The following ATL3 variants were observed in gnomAD, a reference collection of about 807,000 sequenced individuals.
The protein encoded by ATL3 is atlastin-3.
In ATL3, 49 loss-of-function variants were observed where a neutral mutation model predicts 69.5. The ratio of observed to expected loss-of-function variants is 0.71; its 90% CI spans 0.56 to 0.89. ATL3 has a LOEUF of 0.89. ATL3 is among the 40% of genes least tolerant of loss of function. The pLI is 0.00. For missense variants in ATL3, 606 were observed against 645.7 expected (o/e 0.94, Z 0.67); for synonymous variants, 214 against 224.1 (o/e 0.95, Z 0.40).
chr11:63,635,487 C>T (rs1185570720), intron 10 of ATL3, 47 bp downstream of exon 10: 2 of 1,502,178 alleles, frequency 1.3e-6, no homozygotes, highest in East Asian at 2.3e-5. Context: ...TACAGGTCAA[C>T]TCAAGTAATT....
chr11:63,667,716 A>G (rs1047867504), intron 1 of ATL3, among the ~76,000 whole-genome samples: 2 of 150,406 alleles, frequency 1.3e-5, no homozygotes, highest in Admixed American at 1.3e-4. Context: ...GTGAGCTGAG[A>G]TCGCGCCATT....
intron 1 of ATL3, among the ~76,000 whole-genome samples, chr11:63,670,055 G>A (rs1274166715): frequency 2.0e-5 from 3 of 152,108 alleles, no homozygotes; most frequent in Non-Finnish European, 4.4e-5. Context: ...GCAATCAGCC[G>A]AGATCGCGCC....
intron 1 of ATL3, among the ~76,000 whole-genome samples, chr11:63,669,010 TG>T (rs950679290): frequency 2.0e-5 from 2 of 102,404 alleles, no homozygotes; most frequent in African/African-American, 7.2e-5. Context: ...AATTTTTTTT[TG>T]GGTGGGGGGG....
At chr11:63,630,753 G>A (rs1263573629) in intron 12 of ATL3, among the ~76,000 whole-genome samples, 1 of 144,488 alleles carries the variant, frequency 6.9e-6, no homozygotes, top group East Asian at 2.2e-4. Flanking sequence ...CCAAGATCAT[G>A]CCACTGGACT....
At chr11:63,657,227 A>AG (rs1422421196) in intron 3 of ATL3, among the ~76,000 whole-genome samples, 3 of 151,006 alleles carry the variant, frequency 2.0e-5, no homozygotes, top group African/African-American at 7.3e-5. Context: ...AAAAAAAAAA[A>AG]GGACAAACAG....
Position 63,634,471 on chromosome 11 carries a change from C to T in ATL3, c.1035+1063G>A, listed in dbSNP as rs1021510351. Among the ~76,000 whole-genome samples the T allele has an allele frequency of 9.2e-5, 14 of 151,950 alleles. No individual in the cohort carries two copies. In the East Asian group the frequency reaches 1.2e-3, roughly 13 times the overall value. ...GCAGTGAGCCGAGATTGTGCCACTG[C>T]ACTCCAGCCTGGGCAACAGAGCAAG... On this transcript the variant is annotated intron_variant, in intron 10 of 12. Transcript: ENST00000398868.
At chr11:63,639,950 C>A (rs546872463) in intron 8 of ATL3, among the ~76,000 whole-genome samples, 2 of 150,110 alleles carry the variant, frequency 1.3e-5, no homozygotes, top group Non-Finnish European at 3.0e-5. Flanking sequence ...TTTTTTGGGA[C>A]AGAGTTTCGC....
chr11:63,629,460 A>G (rs1939234196), intron 12 of ATL3, 55 bp from the exon 13 acceptor site: 2 of 1,479,896 alleles, frequency 1.4e-6, no homozygotes, highest in Non-Finnish European at 1.9e-6. Flanking sequence ...CACAGCAACA[A>G]GAAAGTAAGT....
In ATL3 at chr11:63,631,094, T is replaced by G; in HGVS notation, c.1485A>C (p.Gln495His). 6 of 1,614,126 alleles carry G rather than the reference T, an allele frequency of 3.7e-6. No individual in the cohort carries two copies. The highest frequency in any genetic ancestry group is 3.4e-6 in the Non-Finnish European group (4 of 1,180,034). ...LTWGYIRYSGQYRELGGAIDF... is the reference protein window; with the variant it reads ...LTWGYIRYSGHYRELGGAIDF... ...CAATAGCTCCGCCCAGCTCACGATA[T>G]TGACCAGAATACCTGATGTAGCCCC... Residue 495 changes from glutamine to histidine, a missense_variant, in exon 12 of 13, where the codon CAA becomes CAC. Gln to His is a conservative substitution (Grantham distance 24). Coordinates refer to ENST00000398868, the MANE Select transcript of ATL3 (RefSeq NM_015459.5).
intron 1 of ATL3, among the ~76,000 whole-genome samples, chr11:63,665,580 C>A (rs1940550560): frequency 6.6e-6 from 1 of 151,992 alleles, no homozygotes; most frequent in African/African-American, 2.4e-5. Flanking sequence ...ATTATCAACA[C>A]CCACCAGATT....
chr11:63,639,903 A>G (rs1012097808), intron 8 of ATL3, among the ~76,000 whole-genome samples: 16 of 152,314 alleles, frequency 1.1e-4, no homozygotes, highest in African/African-American at 3.4e-4. Flanking sequence ...CTTTCTGTAT[A>G]AAGACACACA....
intron 12 of ATL3, among the ~76,000 whole-genome samples, chr11:63,629,679 A>G (rs1268433283): frequency 6.6e-6 from 1 of 152,182 alleles, no homozygotes; most frequent in Non-Finnish European, 1.5e-5. Flanking sequence ...CAGAAAAACA[A>G]ATGTATCATC....
At position 63,631,379 on chromosome 11, in the gene ATL3, C is replaced by T. The variant is rs864622016; in HGVS notation, c.1200G>A (p.Lys400=). 1.9e-6 allele frequency: 3 copies of T among 1,614,198 alleles called. No homozygotes were observed. The highest frequency in any genetic ancestry group is 2.5e-6 in the Non-Finnish European group (3 of 1,180,038). The change falls in exon 12 of 13, where the codon AAG becomes AAA. Residue 400 remains lysine (K), a synonymous_variant. Coordinates refer to ENST00000398868, the MANE Select transcript of ATL3 (RefSeq NM_015459.5). The stretch of plus-strand genomic sequence containing the variant: ...AATCCTTCCCACCCATCTTCTTGGT[C>T]TTCTTAAAATGGTCCAGAGCAAGTT... ...FKQLALDHFK[K]TKKMGGKDFS...
Position 63,639,668 on chromosome 11 carries a change from T to C in ATL3, c.851-3334A>G, listed in dbSNP as rs772947923. On this transcript the variant is annotated intron_variant, in intron 8 of 12. Transcript: ENST00000398868. ...TACTGAGGAGGCTAAGGTGGGAGGATTGCTTGAGACTGGGAGTTAGAGGCT... is the reference window on the plus strand; with the variant it reads ...TACTGAGGAGGCTAAGGTGGGAGGACTGCTTGAGACTGGGAGTTAGAGGCT... 1.4e-4 allele frequency among the ~76,000 whole-genome samples: 21 copies of C among 152,140 alleles called. 1 individual carries two copies. In the South Asian group the frequency reaches 1.5e-3, roughly 11 times the overall value.
At chr11:63,650,911 T>C (rs563126712) in intron 5 of ATL3, among the ~76,000 whole-genome samples, 2 of 152,316 alleles carry the variant, frequency 1.3e-5, no homozygotes, top group East Asian at 1.9e-4. Context: ...GTACAGACAA[T>C]TGCCATAAGC....
chr11:63,659,829 C>T (rs928871079), intron 1 of ATL3, among the ~76,000 whole-genome samples: 5 of 150,830 alleles, frequency 3.3e-5, no homozygotes, highest in Non-Finnish European at 5.9e-5. Context: ...CCTAGCTACT[C>T]GGGAGGCTGA....
At chr11:63,633,218 T>C (rs918445887) in intron 10 of ATL3, 121 bp from the exon 11 acceptor site, 1 of 769,180 alleles carries the variant, frequency 1.3e-6, no homozygotes, top group Non-Finnish European at 2.1e-6. Context: ...TCTATTTTTC[T>C]AGATTTCCAT....
chr11:63,629,517 A>G, intron 12 of ATL3, 112 bp from the exon 13 acceptor site: 1 of 907,662 alleles, frequency 1.1e-6, no homozygotes, highest in Non-Finnish European at 1.7e-6. Flanking sequence ...TGTTACAGAA[A>G]GCAGTTGAAT....
intron 3 of ATL3, among the ~76,000 whole-genome samples, chr11:63,653,685 G>A (rs973966173): frequency 5.9e-5 from 9 of 152,162 alleles, no homozygotes; most frequent in Non-Finnish European, 1.0e-4. Context: ...ATCAAGACAC[G>A]AAAGAGTTGC....
Sources: allele counts gnomAD v4.1 joint callset (sites outside exome capture counted in the v4.1 genomes callset), GRCh38; gene constraint gnomAD v4.1.1; transcripts MANE v1.5; gene names NCBI Gene and HGNC (gene_info 2026-07-23, HGNC 2026-07-21).